Variants in RC3H1 observed in about 807,000 individuals in gnomAD.
RC3H1 encodes roquin-1.
Under a neutral mutation model 138.2 loss-of-function variants are expected in RC3H1, and 50 were observed. The ratio of observed to expected loss-of-function variants is 0.36; its 90% CI spans 0.29 to 0.46. The LOEUF (loss-of-function observed/expected upper bound fraction) is 0.46, where lower values mean the gene tolerates loss of function less well. Among genes scored for constraint, RC3H1 ranks in the 20% least tolerant of loss-of-function variants. RC3H1 has a pLI of 1.00. For missense variants in RC3H1, 1,031 were observed against 1,388.1 expected, an observed-to-expected ratio of 0.74 and a Z score of 4.09; for synonymous variants, 462 against 489.1, an observed-to-expected ratio of 0.94 and a Z score of 0.73.
chr1:173,961,147 T>C lies in RC3H1; in HGVS notation c.2300A>G (p.Glu767Gly). 1 of 1,613,994 alleles carries C rather than the reference T, an allele frequency of 6.2e-7. No homozygotes were observed. Among genetic ancestry groups the C allele is most frequent in the East Asian group, 2.2e-5 (1 of 44,856 alleles). The change falls in exon 13 of 20, where the codon GAA becomes GGA. Residue 767 changes from glutamate to glycine, a missense_variant. Glu to Gly is a moderately conservative substitution (Grantham distance 98). Around this residue, in one of 7 missense-constraint regions of RC3H1, gnomAD observed 716 missense variants for 837.9 expected, o/e 0.85. Coordinates refer to ENST00000367696, the MANE Select transcript of RC3H1 (RefSeq NM_172071.4). ...AGGAGGTGGAGAGATAACCTTTCTT[T>C]CCTCTAGCTGGGCCATTATTTCCTT... Reference protein sequence around the residue: ...RRKEIMAQLEERKVISPPPFA... With the variant: ...RRKEIMAQLEGRKVISPPPFA...
chr1:173,976,985 C>T (rs1038938655), intron 7 of RC3H1, among the ~76,000 whole-genome samples: 3 of 147,762 alleles, frequency 2.0e-5, no homozygotes, highest in Non-Finnish European at 3.0e-5. Flanking sequence ...TGCAGTGGTG[C>T]AGTCTCGGCT....
At chr1:173,962,195 T>G in intron 11 of RC3H1, 100 bp from the exon 12 acceptor site, 1 of 1,106,486 alleles carries the variant, frequency 9.0e-7, no homozygotes, top group Non-Finnish European at 1.3e-6. Flanking sequence ...AAAGTATTGA[T>G]AATCTACTTA....
At chr1:173,988,328 T>C (rs537485417) in intron 2 of RC3H1, among the ~76,000 whole-genome samples, 11 of 152,356 alleles carry the variant, frequency 7.2e-5, no homozygotes, top group African/African-American at 2.6e-4. Context: ...AATCATACAG[T>C]ATGTGGCCTT....
intron 1 of RC3H1, among the ~76,000 whole-genome samples, chr1:174,018,951 A>T (rs2103117618): frequency 6.6e-6 from 1 of 152,332 alleles, no homozygotes; most frequent in South Asian, 2.1e-4. Context: ...AATACTGCAG[A>T]ATTCTAAATT....
At chr1:173,960,125 A>G (rs1659809464) in intron 13 of RC3H1, among the ~76,000 whole-genome samples, 1 of 150,706 alleles carries the variant, frequency 6.6e-6, no homozygotes, top group Non-Finnish European at 1.5e-5. Context: ...AAAAAAAAAA[A>G]AAAAAGATAC....
In RC3H1 at chr1:173,964,068, C is replaced by T. The variant is rs760238069; in HGVS notation, c.1736G>A (p.Arg579Gln). The change falls in exon 11 of 20, where the codon CGA becomes CAA. Residue 579 changes from arginine to glutamine, a missense_variant. Physicochemically the swap from Arg to Gln is conservative, Grantham distance 43. Coordinates refer to ENST00000367696, the MANE Select transcript of RC3H1 (RefSeq NM_172071.4). Reference protein sequence around the residue: ...PVTKPLQMVPRGSQLYPAQQT... With the variant: ...PVTKPLQMVPQGSQLYPAQQT... ...TTGTGCTGGATATAACTGAGAACCTCGAGGTACCATCTGAAGTGGTTTGGT... is the reference window on the plus strand; with the variant it reads ...TTGTGCTGGATATAACTGAGAACCTTGAGGTACCATCTGAAGTGGTTTGGT... 18 of 1,614,114 alleles carry T rather than the reference C, an allele frequency of 1.1e-5. No individual in the cohort carries two copies. The highest frequency in any genetic ancestry group is 3.3e-4 in the Middle Eastern group (2 of 6,062).
intron 1 of RC3H1, among the ~76,000 whole-genome samples, chr1:174,012,250 A>T (rs1048416758): frequency 2.6e-5 from 4 of 151,998 alleles, no homozygotes; most frequent in Non-Finnish European, 5.9e-5. Flanking sequence ...AATAGGTAAC[A>T]TATGAAGGGA....
Position 174,017,621 on chromosome 1 carries a change from C to T in RC3H1, c.-151+4475G>A, listed in dbSNP as rs73027407. Among the ~76,000 whole-genome samples, 745 of 151,942 alleles carry T rather than the reference C, an allele frequency of 4.9e-3. 7 individuals are homozygous for T. The highest frequency in any genetic ancestry group is 0.017 in the African/African-American group (705 of 41,410). ...GTGTTTCCTTTTGGGGTAATGAACA[C>T]ATTCTGGAATTAGAGCTGGTGGTTG... On this transcript the variant is annotated intron_variant, in intron 1 of 19. Coordinates refer to ENST00000367696, the MANE Select transcript of RC3H1 (RefSeq NM_172071.4).
intron 1 of RC3H1, among the ~76,000 whole-genome samples, chr1:174,012,793 A>AAAAAAG (rs1557953811): frequency 2.0e-5 from 3 of 150,872 alleles, no homozygotes; most frequent in African/African-American, 7.4e-5. Flanking sequence ...TCAAAAAAAA[A>AAAAAAG]AAAAGAAAAG....
At chr1:173,951,927 T>C (rs1370480143) in intron 14 of RC3H1, 59 bp downstream of exon 14, 1 of 1,495,432 alleles carries the variant, frequency 6.7e-7, no homozygotes, top group Non-Finnish European at 9.0e-7. Flanking sequence ...TGGTAATGGG[T>C]AAAAATTTAT....
At chr1:174,009,778 C>T (rs1571242247) in intron 1 of RC3H1, among the ~76,000 whole-genome samples, 1 of 152,144 alleles carries the variant, frequency 6.6e-6, no homozygotes, top group East Asian at 1.9e-4. Context: ...GCAGAGGTTG[C>T]AGTGAGCCGA....
intron 3 of RC3H1, among the ~76,000 whole-genome samples, chr1:173,984,021 T>C (rs181650268): frequency 6.6e-6 from 1 of 152,332 alleles, no homozygotes; most frequent in East Asian, 1.9e-4. Flanking sequence ...TGGTTAACCT[T>C]ATTTTCCTAA....
At chr1:173,967,590 C>A (rs1660176541) in intron 9 of RC3H1, among the ~76,000 whole-genome samples, 1 of 152,144 alleles carries the variant, frequency 6.6e-6, no homozygotes, top group Non-Finnish European at 1.5e-5. Context: ...TGAGATTGAA[C>A]ATAGTTTCAC....
At position 174,000,793 on chromosome 1, in the gene RC3H1, T is replaced by A. The variant is rs183399459; in HGVS notation, c.-150-7658A>T. On this transcript the variant is annotated intron_variant, in intron 1 of 19. Coordinates refer to ENST00000367696, the MANE Select transcript of RC3H1 (RefSeq NM_172071.4). ...GAGATAAAAACACAAAGAAGAAAAC[T>A]AATGAAGGCCTATTATAACACTTAA... Among the ~76,000 whole-genome samples, 7 of 152,230 alleles carry A rather than the reference T, an allele frequency of 4.6e-5. No individual in the cohort carries two copies. The East Asian group carries it at 9.6e-4, about 21-fold the overall frequency.
chr1:174,008,643 C>A (rs913295252), intron 1 of RC3H1, among the ~76,000 whole-genome samples: 1 of 152,074 alleles, frequency 6.6e-6, no homozygotes, highest in Admixed American at 6.5e-5. Context: ...ATTATTTTAT[C>A]TTTATATAAA....
rs1464183481 is a variant in RC3H1 at position 173,936,747 on chromosome 1, ATATATATATATATATTTTTT to A, written c.*1954_*1973del. On this transcript the variant is annotated 3_prime_UTR_variant, in exon 20 of 20. Transcript: ENST00000367696. ...AAAGCATACATATATATATATATATATATATATATATATATTTTTTTTTTTTTTTTTAAAAAAAGAAGACA... is the reference window on the plus strand; with the variant it reads ...AAAGCATACATATATATATATATATATTTTTTTTTTTAAAAAAAGAAGACA... The A allele has an allele frequency of 1.0e-4, 6 of 57,832 alleles. No homozygotes were observed. Among genetic ancestry groups the A allele is most frequent in the African/African-American group, 3.6e-4 (5 of 13,730 alleles). 3.6% of individuals were successfully genotyped at this position (57,832 alleles called of 1,614,324 possible).
In RC3H1 at chr1:173,943,311, TG is replaced by T. The variant is rs1417564241; in HGVS notation, c.3135+130del. On this transcript the variant is annotated intron_variant, in intron 18 of 19. Coordinates refer to ENST00000367696, the MANE Select transcript of RC3H1 (RefSeq NM_172071.4). ...AAAATCGGAAGGTAGCCCACCTGCA[TG>T]AGAATTATTTTAAATATTAACCACT... 3 of 794,928 alleles carry T rather than the reference TG, an allele frequency of 3.8e-6. No individual in the cohort carries two copies. The African/African-American group carries it at 5.3e-5, about 14-fold the overall frequency. The allele number at this position is 794,928 out of a possible 1,614,324, so 49.2% of individuals were successfully genotyped here. A position where few individuals can be genotyped will look rare whatever the true frequency, so the allele number is the denominator to read the frequency against.
intron 1 of RC3H1, among the ~76,000 whole-genome samples, chr1:174,004,336 A>G (rs1661614821): frequency 6.6e-6 from 1 of 151,802 alleles, no homozygotes; most frequent in African/African-American, 2.4e-5. Context: ...GCTAGTCTCA[A>G]ACTCCTGGGC....
intron 7 of RC3H1, among the ~76,000 whole-genome samples, chr1:173,976,798 G>A (rs1361139527): frequency 2.0e-5 from 3 of 152,130 alleles, no homozygotes; most frequent in Non-Finnish European, 4.4e-5. Context: ...ATCTATAAAA[G>A]TAGGCTGATA....
Sources: gnomAD v4.1 joint callset for allele counts (sites outside exome capture counted in the v4.1 genomes callset) on GRCh38, gnomAD v4.1.1 for gene constraint, gnomAD v4.1.1 regional missense constraint, MANE v1.5 for transcripts, NCBI Gene and HGNC (gene_info 2026-07-23, HGNC 2026-07-21) for gene names.